Variants in DNAJB1 observed in about 807,000 individuals in gnomAD.
DNAJB1 encodes DnaJ heat shock protein family (Hsp40) member B1.
DNAJB1 carries 14 observed loss-of-function variants against 24.0 expected under a neutral mutation model. The observed-to-expected ratio is 0.58, with a 90% CI of 0.39 to 0.91. The LOEUF (loss-of-function observed/expected upper bound fraction) is 0.91. Ranked by LOEUF, DNAJB1 falls within the 40% of genes least tolerant of loss-of-function variation. DNAJB1 has a pLI of 0.00. For missense variants in DNAJB1, 517 were observed against 458.1 expected (o/e 1.13, Z -1.17); for synonymous variants, 262 against 174.4 (o/e 1.50, Z -3.96).
intron 1 of DNAJB1, among the ~76,000 whole-genome samples, chr19:14,549,629 C>T (rs2073425324): frequency 6.6e-6 from 1 of 152,020 alleles, no homozygotes; most frequent in African/African-American, 2.4e-5. Context: ...ACCTGACCTG[C>T]ACTCAGCTTT....
chr19:14,519,020 C>T (rs2072331735), upstream of DNAJB1, among the ~76,000 whole-genome samples: 1 of 152,070 alleles, frequency 6.6e-6, no homozygotes, highest in African/African-American at 2.4e-5. Context: ...ATCTCTTGAG[C>T]CTAGGAGTTG....
chr19:14,516,877 A>C lies in DNAJB1; in HGVS notation c.381T>G (p.Ile127Met), dbSNP rs769519959. ...GQRNGEEGMDIDDPFSGFPMG... is the reference protein window; with the variant it reads ...GQRNGEEGMDMDDPFSGFPMG... ...TAGGGAAGCCAGAGAATGGGTCATC[A>C]ATGTCCATGCCTTCCTCCCCGTTCC... The change falls in exon 2 of 3, where the codon ATT (isoleucine) becomes ATG (methionine). Residue 127 changes from isoleucine to methionine, a missense_variant. Transcript: ENST00000254322. 1.2e-6 allele frequency: 2 copies of C among 1,614,130 alleles called. No homozygotes were observed. The highest frequency in any genetic ancestry group is 2.2e-5 in the East Asian group (1 of 44,888).
At chr19:14,535,791 G>C (rs2072879297) in intron 1 of DNAJB1, among the ~76,000 whole-genome samples, 1 of 146,922 alleles carries the variant, frequency 6.8e-6, no homozygotes. Context: ...AAAGTGGTGA[G>C]CCTTGAGCTG....
chr19:14,529,550 CG>C (rs1177063409), upstream of DNAJB1: 1 of 1,246,888 alleles, frequency 8.0e-7, no homozygotes. Flanking sequence ...GATTGGCCGA[CG>C]GGGCGCGCGC....
chr19:14,559,923 G>A (rs2073853460), intron 1 of DNAJB1, among the ~76,000 whole-genome samples: 1 of 152,222 alleles, frequency 6.6e-6, no homozygotes, highest in Non-Finnish European at 1.5e-5. Context: ...CAGGAAATGG[G>A]AGACGGACGG....
chr19:14,542,347 G>GGGTTTTTTTT lies in DNAJB1; in HGVS notation c.-214+7860_-214+7861insAAAAAAAACC, dbSNP rs2073124658. On this transcript the variant is annotated intron_variant, in intron 1 of 3. Coordinates refer to the DNAJB1 transcript ENST00000676982. Reference sequence around the variant, plus strand: ...CCTCAGGGGGCCCTCATGCCATAGTGTTTTTTTTTTTTTTTTTTTTTTTTT... The same window carrying GGGTTTTTTTT: ...CCTCAGGGGGCCCTCATGCCATAGTGGGTTTTTTTTTTTTTTTTTTTTTTTTTTTTTTTTT... Among the ~76,000 whole-genome samples, 93 of 43,296 alleles carry GGGTTTTTTTT rather than the reference G, an allele frequency of 2.1e-3. 1 individual carries two copies. The highest frequency in any genetic ancestry group is 7.1e-3 in the African/African-American group (88 of 12,320). 28.4% of individuals were successfully genotyped at this position (43,296 alleles called of 152,430 possible).
chr19:14,538,655 C>T (rs549950947), intron 1 of DNAJB1, among the ~76,000 whole-genome samples: 2 of 151,774 alleles, frequency 1.3e-5, no homozygotes, highest in South Asian at 2.1e-4. Flanking sequence ...GCCTCAGCCT[C>T]CCGAGTAGCT....
In DNAJB1 at chr19:14,527,165, C is replaced by CTTTTTTTTTTTT. The variant is rs369143149; in HGVS notation, c.-90+549_-90+560dup. ...AACTGCCACCAGAAAAATATCTCTG[C>CTTTTTTTTTTTT]TTTTTTTTTTTTTTTTTTTTTTTTT... On this transcript the variant is annotated intron_variant, in intron 2 of 3. Coordinates refer to the DNAJB1 transcript ENST00000396969. Among the ~76,000 whole-genome samples, 60 of 41,304 alleles carry CTTTTTTTTTTTT rather than the reference C, an allele frequency of 1.5e-3. 11 individuals carry two copies. Among genetic ancestry groups the CTTTTTTTTTTTT allele is most frequent in the South Asian group, 2.6e-3 (2 of 756 alleles). 27.1% of individuals were successfully genotyped at this position (41,304 alleles called of 152,430 possible).
At chr19:14,533,662 C>T (rs376022270), upstream of DNAJB1, among the ~76,000 whole-genome samples, 19 of 152,032 alleles carry the variant, frequency 1.2e-4, no homozygotes, top group South Asian at 4.1e-4. Flanking sequence ...TAGTGGAGAT[C>T]GGTGGCTGTT....
intron 1 of DNAJB1, among the ~76,000 whole-genome samples, chr19:14,543,579 C>T (rs995367189): frequency 1.0e-4 from 15 of 147,352 alleles, no homozygotes; most frequent in African/African-American, 3.7e-4. Flanking sequence ...GCTGGGACTA[C>T]AGGCGCCCGC....
At chr19:14,526,035 T>C (rs1465529609) in intron 2 of DNAJB1, among the ~76,000 whole-genome samples, 2 of 152,070 alleles carry the variant, frequency 1.3e-5, no homozygotes, top group South Asian at 2.1e-4. Flanking sequence ...GATCTGCCCA[T>C]GGGAAATACA....
chr19:14,558,734 C>T (rs1332868310), intron 1 of DNAJB1, among the ~76,000 whole-genome samples: 2 of 152,170 alleles, frequency 1.3e-5, no homozygotes, highest in Non-Finnish European at 2.9e-5. Flanking sequence ...CACAGGTATC[C>T]CTTCATCCAC....
upstream of DNAJB1, among the ~76,000 whole-genome samples, chr19:14,550,493 T>C (rs1475961381): frequency 6.6e-6 from 1 of 152,056 alleles, no homozygotes; most frequent in Non-Finnish European, 1.5e-5. Flanking sequence ...AGCTTCCTGG[T>C]CCGACAGCGC....
At chr19:14,536,320 A>G (rs1238462135) in intron 1 of DNAJB1, among the ~76,000 whole-genome samples, 1 of 144,016 alleles carries the variant, frequency 6.9e-6, no homozygotes, top group Non-Finnish European at 1.5e-5. Context: ...CCCAGGCTGG[A>G]GTGCAGTGGT....
At position 14,515,905 on chromosome 19, in the gene DNAJB1, A is replaced by C; in HGVS notation, c.*35T>G. On this transcript the variant is annotated 3_prime_UTR_variant, in exon 3 of 3. Coordinates refer to ENST00000254322, the MANE Select transcript of DNAJB1 (RefSeq NM_006145.3). ...GGTCCAGAAATCCTTGAGCTCTGGA[A>C]AGGTCCCTGGTCAGTCCTTGGGGAG... 6.3e-7 allele frequency: 1 copy of C among 1,593,476 alleles called. No homozygotes were observed.
chr19:14,522,488 A>G (rs1179231554), upstream of DNAJB1, among the ~76,000 whole-genome samples: 7 of 96,234 alleles, frequency 7.3e-5, no homozygotes, highest in African/African-American at 1.6e-4. Context: ...TGTCTCGAAG[A>G]AAAAAAAAAA....
chr19:14,547,343 C>G (rs2073341513), intron 1 of DNAJB1, among the ~76,000 whole-genome samples: 1 of 151,592 alleles, frequency 6.6e-6, no homozygotes. Flanking sequence ...CGTACCTGGC[C>G]TATTTTATTT....
At chr19:14,524,845 C>CAAAAAGAAAAAAA in intron 2 of DNAJB1, among the ~76,000 whole-genome samples, 1 of 112,200 alleles carries the variant, frequency 8.9e-6, no homozygotes, top group Non-Finnish European at 1.7e-5. Flanking sequence ...GACTCGTTCT[C>CAAAAAGAAAAAAA]AAAAAAAAAA....
chr19:14,521,399 C>T (rs1172133341), upstream of DNAJB1, among the ~76,000 whole-genome samples: 3 of 151,230 alleles, frequency 2.0e-5, no homozygotes, highest in African/African-American at 7.3e-5. Context: ...GCAGAGGTTG[C>T]AGTGAGCCAA....
Sources: allele counts gnomAD v4.1 joint callset (sites outside exome capture counted in the v4.1 genomes callset), GRCh38; gene constraint gnomAD v4.1.1; transcripts MANE v1.5; gene names NCBI Gene and HGNC (gene_info 2026-07-23, HGNC 2026-07-21).